Variants in ACYP2 observed in about 807,000 individuals in gnomAD.
The protein encoded by ACYP2 is acylphosphatase 2, also known as acylphosphatase-2.
ACYP2 carries 12 observed loss-of-function variants against 11.2 expected under a neutral mutation model. The observed-to-expected ratio is 1.08, with a 90% confidence interval of 0.69 to 1.74. ACYP2 has a LOEUF of 1.74. Among genes scored for constraint, ACYP2 ranks in the 40% most tolerant of loss-of-function variants. The probability of loss-of-function intolerance (pLI) is 0.00; values close to 1 mark genes in which losing one functional copy is unlikely to be tolerated. For missense variants in ACYP2, 134 were observed against 101.9 expected, an observed-to-expected ratio of 1.31 and a Z score of -1.35; for synonymous variants, 43 against 32.2, an observed-to-expected ratio of 1.33 and a Z score of -1.13.
At chr2:54,193,636 TTAA>T (rs1332927784) in intron 6 of ACYP2, among the ~76,000 whole-genome samples, 1 of 152,236 alleles carries the variant, frequency 6.6e-6, no homozygotes, top group Non-Finnish European at 1.5e-5. Flanking sequence ...AAATTTTCAT[TTAA>T]TAATATGTGA....
intron 6 of ACYP2, among the ~76,000 whole-genome samples, chr2:54,190,832 A>G (rs894916156): frequency 5.3e-5 from 8 of 152,106 alleles, no homozygotes; most frequent in Non-Finnish European, 1.0e-4. Flanking sequence ...AGTGTGTTCA[A>G]AACCAAAGTC....
At chr2:54,103,744 G>T (rs1572759893) in intron 4 of ACYP2, among the ~76,000 whole-genome samples, 1 of 152,164 alleles carries the variant, frequency 6.6e-6, no homozygotes, top group African/African-American at 2.4e-5. Context: ...AAGTGAATAG[G>T]AAATATTAGA....
At chr2:54,027,107 G>C (rs1470858168) in intron 2 of ACYP2, among the ~76,000 whole-genome samples, 1 of 152,142 alleles carries the variant, frequency 6.6e-6, no homozygotes, top group African/African-American at 2.4e-5. Flanking sequence ...ATATCCTGTA[G>C]CCAGTTTCCT....
chr2:54,175,259 G>A (rs1683407063), intron 6 of ACYP2, among the ~76,000 whole-genome samples: 1 of 152,132 alleles, frequency 6.6e-6, no homozygotes, highest in Non-Finnish European at 1.5e-5. Flanking sequence ...TTAGTCTTGG[G>A]AGGGTGTATG....
Position 54,193,564 on chromosome 2 carries a change from T to C in ACYP2, c.404+54816T>C, listed in dbSNP as rs113141226. 9.7e-3 allele frequency among the ~76,000 whole-genome samples: 1,474 copies of C among 152,340 alleles called. 30 individuals are homozygous for C. Among genetic ancestry groups the C allele is most frequent in the African/African-American group, 0.032 (1,340 of 41,574 alleles). On this transcript the variant is annotated intron_variant, in intron 6 of 6. Coordinates refer to ENST00000607452, the MANE Select transcript of ACYP2 (RefSeq NM_001320586.2). ...TAAAATAAAAATTGTATTGAATGAA[T>C]ACAATTTAGCTTTATATTTGTTTTT...
chr2:54,080,258 G>T (rs972161664), intron 4 of ACYP2: 4 of 152,454 alleles, frequency 2.6e-5, no homozygotes, highest in African/African-American at 7.2e-5. Flanking sequence ...CAACACCATT[G>T]TTTCTTCTTT....
chr2:54,047,764 T>C (rs371689166), intron 2 of ACYP2, among the ~76,000 whole-genome samples: 3 of 152,208 alleles, frequency 2.0e-5, no homozygotes, highest in East Asian at 1.9e-4. Flanking sequence ...ATTTTTAAAG[T>C]GTGAGATGGA....
chr2:54,003,422 G>T (rs1452605092), intron 2 of ACYP2, among the ~76,000 whole-genome samples: 1 of 152,056 alleles, frequency 6.6e-6, no homozygotes, highest in African/African-American at 2.4e-5. Context: ...ACCACATCCG[G>T]CTAATTTTTG....
intron 2 of ACYP2, among the ~76,000 whole-genome samples, chr2:54,020,702 A>G (rs528007682): frequency 5.9e-5 from 9 of 152,356 alleles, no homozygotes; most frequent in African/African-American, 2.2e-4. Context: ...AGCCTAAAAT[A>G]TTTATCATCT....
At chr2:53,987,838 G>A (rs1672107479) in intron 2 of ACYP2, among the ~76,000 whole-genome samples, 1 of 151,784 alleles carries the variant, frequency 6.6e-6, no homozygotes, top group African/African-American at 2.4e-5. Flanking sequence ...ATTGCTTGTG[G>A]GTTTTTTTGT....
chr2:54,176,296 A>G (rs749365603), intron 6 of ACYP2, among the ~76,000 whole-genome samples: 3 of 151,822 alleles, frequency 2.0e-5, no homozygotes, highest in Non-Finnish European at 4.4e-5. Flanking sequence ...GCCCTCCACT[A>G]TTTTCTTTCC....
intron 4 of ACYP2, chr2:54,080,208 G>A (rs1677569482): frequency 6.4e-6 from 1 of 155,606 alleles, no homozygotes; most frequent in Non-Finnish European, 1.4e-5. Flanking sequence ...GAACCTAATA[G>A]CCTTATCCGT....
chr2:54,038,484 C>T (rs1199665207), intron 2 of ACYP2, among the ~76,000 whole-genome samples: 1 of 151,676 alleles, frequency 6.6e-6, no homozygotes, highest in Non-Finnish European at 1.5e-5. Flanking sequence ...ATTCTAAGCA[C>T]TACATAAGTT....
chr2:54,039,311 G>T (rs1394974585), intron 2 of ACYP2, among the ~76,000 whole-genome samples: 3 of 150,180 alleles, frequency 2.0e-5, no homozygotes, highest in Non-Finnish European at 4.4e-5. Flanking sequence ...TTGGCGGGGG[G>T]GGACAGGGTC....
intron 2 of ACYP2, among the ~76,000 whole-genome samples, chr2:54,000,010 A>G (rs537658582): frequency 8.5e-4 from 130 of 152,148 alleles, no homozygotes; most frequent in Non-Finnish European, 1.6e-3. Context: ...CTTAAACCTT[A>G]AATAGGGTTG....
chr2:54,127,967 C>G lies in ACYP2; in HGVS notation c.278-7486C>G, dbSNP rs115221806. Among the ~76,000 whole-genome samples the G allele has an allele frequency of 9.0e-3, 1,372 of 152,270 alleles. 25 individuals carry two copies. The highest frequency in any genetic ancestry group is 0.03 in the African/African-American group (1,260 of 41,540). Reference sequence around the variant, plus strand: ...TTCACTTTCAGAAGCTTTGTTGCACCTAATCTGTCATTATGATTTGGGGAT... The same window carrying G: ...TTCACTTTCAGAAGCTTTGTTGCACGTAATCTGTCATTATGATTTGGGGAT... On this transcript the variant is annotated intron_variant, in intron 4 of 6. Transcript: ENST00000607452.
In ACYP2 at chr2:54,201,629, T is replaced by TC. The variant is rs1250178672; in HGVS notation, c.404+62881_404+62882insC. On this transcript the variant is annotated intron_variant, in intron 6 of 6. Transcript: ENST00000607452. ...CTTTCTTTCTTTCTTTCTTTGTTTC[T>TC]TTCTTTCTCTTTCTTTCTTTCTTTC... Among the ~76,000 whole-genome samples the TC allele has an allele frequency of 2.1e-4, 20 of 97,484 alleles. No homozygotes were observed. In the East Asian group the frequency reaches 7.3e-3, roughly 36 times the overall value. The allele number at this position is 97,484 out of a possible 152,430, so 64.0% of individuals were successfully genotyped here.
At chr2:54,248,927 G>T (rs886211044) in intron 6 of ACYP2, among the ~76,000 whole-genome samples, 6 of 152,148 alleles carry the variant, frequency 3.9e-5, no homozygotes, top group Non-Finnish European at 7.4e-5. Flanking sequence ...CCATGGTTGA[G>T]GTGGGCAAAT....
At position 54,266,590 on chromosome 2, in the gene ACYP2, C is replaced by CTTTTTTTTTT. The variant is rs138812389; in HGVS notation, c.405-38074_405-38065dup. ...TAGATAGATATAGATATCTATCTATCTTTTTTTTTTTTTTTTTTTTTTTTT... is the reference window on the plus strand; with the variant it reads ...TAGATAGATATAGATATCTATCTATCTTTTTTTTTTTTTTTTTTTTTTTTTTTTTTTTTTT... On this transcript the variant is annotated intron_variant, in intron 6 of 6. Coordinates refer to ENST00000607452, the MANE Select transcript of ACYP2 (RefSeq NM_001320586.2). Among the ~76,000 whole-genome samples the CTTTTTTTTTT allele has an allele frequency of 3.0e-3, 159 of 52,272 alleles. 19 individuals are homozygous for CTTTTTTTTTT. Among genetic ancestry groups the CTTTTTTTTTT allele is most frequent in the Non-Finnish European group, 3.6e-3 (108 of 29,944 alleles). The allele number at this position is 52,272 out of a possible 152,430, so 34.3% of individuals were successfully genotyped here.
Sources: allele counts gnomAD v4.1 joint callset (sites outside exome capture counted in the v4.1 genomes callset), GRCh38; gene constraint gnomAD v4.1.1; transcripts MANE v1.5; gene names NCBI Gene and HGNC (gene_info 2026-07-23, HGNC 2026-07-21).